VCAN: variants seen among roughly 807,000 people sequenced by gnomAD.
The protein encoded by VCAN is versican core protein.
In VCAN, 44 loss-of-function variants were observed where a neutral mutation model predicts 245.5. The ratio of observed to expected loss-of-function variants is 0.18; its 90% CI spans 0.14 to 0.23. VCAN has a LOEUF of 0.23. VCAN is among the 10% of genes least tolerant of loss of function. VCAN has a pLI of 1.00. For synonymous variants in VCAN, 1,413 were observed against 1,437.0 expected, an observed-to-expected ratio of 0.98 and a Z score of 0.38; for missense variants, 3,793 against 4,057.9, an observed-to-expected ratio of 0.93 and a Z score of 1.77.
chr5:83,565,417 G>A (rs896726072), intron 12 of VCAN, among the ~76,000 whole-genome samples: 1 of 142,844 alleles, frequency 7.0e-6, no homozygotes, highest in East Asian at 2.1e-4. Context: ...GTGTGTGTGT[G>A]TGTGTGTGTA....
At chr5:83,511,856 C>T (rs576325624) in intron 5 of VCAN, among the ~76,000 whole-genome samples, 2 of 152,164 alleles carry the variant, frequency 1.3e-5, no homozygotes, top group South Asian at 4.2e-4. Context: ...GATTCTATGG[C>T]CAATGTACAC....
intron 6 of VCAN, among the ~76,000 whole-genome samples, chr5:83,517,208 G>A (rs990094489): frequency 3.3e-5 from 5 of 152,104 alleles, no homozygotes; most frequent in African/African-American, 4.8e-5. Context: ...TTAAAAATAT[G>A]AGTCAACTTT....
intron 12 of VCAN, 33 bp downstream of exon 12, chr5:83,555,071 A>G: frequency 6.2e-7 from 1 of 1,609,732 alleles, no homozygotes; most frequent in Non-Finnish European, 8.5e-7. Context: ...GTCAAGTTCT[A>G]CCTTCTGGAA....
chr5:83,580,224 T>G lies in VCAN; in HGVS notation c.10063+62T>G, dbSNP rs540499742. 1.7e-5 allele frequency: 27 copies of G among 1,613,874 alleles called. No individual in the cohort carries two copies. In the African/African-American group the frequency reaches 3.5e-4, roughly 21 times the overall value. The stretch of plus-strand genomic sequence containing the variant: ...ATAACAACTACTAGACACCTTCATT[T>G]TACGGCTGTGGTATCGGCAGTTTAG... On this transcript the variant is annotated intron_variant, in intron 14 of 14. Coordinates refer to ENST00000265077, the MANE Select transcript of VCAN (RefSeq NM_004385.5).
In VCAN at chr5:83,477,157, C is replaced by G. The variant is rs149863217; in HGVS notation, c.-7+5134C>G. Among the ~76,000 whole-genome samples, 1,426 of 151,932 alleles carry G rather than the reference C, an allele frequency of 9.4e-3. 19 individuals are homozygous for G. The highest frequency in any genetic ancestry group is 0.03 in the East Asian group (157 of 5,174). ...TAAATGAATATGCAGTTATAAAGAT[C>G]AAAAGAGTAAGTACTTTGAAAAACT... On this transcript the variant is annotated intron_variant, in intron 1 of 14. Coordinates refer to ENST00000265077, the MANE Select transcript of VCAN (RefSeq NM_004385.5).
intron 6 of VCAN, among the ~76,000 whole-genome samples, chr5:83,514,446 G>A (rs1163405625): frequency 6.7e-6 from 1 of 150,360 alleles, no homozygotes; most frequent in Admixed American, 6.6e-5. Flanking sequence ...GTGTGTGTGT[G>A]TGTGTATTTT....
Position 83,548,080 on chromosome 5 carries a change from G to A in VCAN, c.9489G>A (p.Glu3163=), listed in dbSNP as rs1281335692. The A allele has an allele frequency of 6.2e-7, 1 of 1,612,484 alleles. No individual in the cohort carries two copies. The highest frequency in any genetic ancestry group is 1.3e-5 in the African/African-American group (1 of 75,008). The change falls in exon 10 of 15, where the codon GAG becomes GAA. Residue 3163 remains glutamate, a synonymous_variant. Coordinates refer to ENST00000265077, the MANE Select transcript of VCAN (RefSeq NM_004385.5). ...CLPSYVGALC[E]QDTETCDYGW... is the part of the protein sequence containing the mutation. ...CAAGTTATGTTGGTGCACTTTGTGA[G>A]CAAGGTAAGAGCTATTGCAACATTT... is the stretch of plus-strand genomic sequence containing the variant.
intron 7 of VCAN, 145 bp from the exon 8 acceptor site, chr5:83,536,862 C>A (rs1361873245): frequency 1.1e-5 from 7 of 618,654 alleles, no homozygotes; most frequent in Non-Finnish European, 1.6e-5. Flanking sequence ...GACTGAGAAC[C>A]ATATAAGAGG....
At chr5:83,555,085 T>G (rs1386426545) in intron 12 of VCAN, 47 bp downstream of exon 12, 2 of 1,597,538 alleles carry the variant, frequency 1.3e-6, no homozygotes, top group Non-Finnish European at 1.7e-6. Flanking sequence ...TCTGGAAATT[T>G]GGTACTGTGC....
At position 83,540,539 on chromosome 5, in the gene VCAN, T is replaced by C; in HGVS notation, c.7536T>C (p.Tyr2512=). The change falls in exon 8 of 15, where the codon TAT becomes TAC. Residue 2512 remains tyrosine, a synonymous_variant. Coordinates refer to ENST00000265077, the MANE Select transcript of VCAN (RefSeq NM_004385.5). ...PTSTLSNTVS[Y]ERSTDGSFQD... is the part of the protein sequence containing the mutation. ...GCACACTGTCAAATACAGTGTCATA[T>C]GAGAGGTCCACAGACGGTAGTTTCC... is the stretch of plus-strand genomic sequence containing the variant. The C allele has an allele frequency of 6.2e-7, 1 of 1,613,972 alleles. No individual in the cohort carries two copies. The highest frequency in any genetic ancestry group is 8.5e-7 in the Non-Finnish European group (1 of 1,179,958).
At chr5:83,575,459 C>T (rs962338189) in intron 13 of VCAN, among the ~76,000 whole-genome samples, 1 of 152,134 alleles carries the variant, frequency 6.6e-6, no homozygotes, top group African/African-American at 2.4e-5. Context: ...CATGTTTGCC[C>T]TCTTATGTCT....
At chr5:83,522,730 C>T (rs1242295517) in intron 7 of VCAN, among the ~76,000 whole-genome samples, 1 of 152,158 alleles carries the variant, frequency 6.6e-6, no homozygotes, top group African/African-American at 2.4e-5. Context: ...TTTTGCATAT[C>T]CCTAAGGTTG....
chr5:83,543,660 A>G (rs983370398), intron 8 of VCAN, among the ~76,000 whole-genome samples: 2 of 152,222 alleles, frequency 1.3e-5, no homozygotes, highest in African/African-American at 2.4e-5. Context: ...TTAGTTTAAT[A>G]TACTTCAGTT....
rs1220772246 is a variant in VCAN, at chr5:83,580,020, C to A, written c.9921C>A (p.Thr3307=). 4 of 1,614,094 alleles carry A rather than the reference C, an allele frequency of 2.5e-6. No homozygotes were observed. Among genetic ancestry groups the A allele is most frequent in the Non-Finnish European group, 2.5e-6 (3 of 1,180,000 alleles). The change falls in exon 14 of 15, where the codon ACC becomes ACA. Residue 3307 remains threonine, a synonymous_variant. Coordinates refer to ENST00000265077, the MANE Select transcript of VCAN (RefSeq NM_004385.5). ...GQPPVVENAK[T]FGKMKPRYEI... ...CCCCTGTTGTAGAAAATGCCAAGACCTTTGGAAAGATGAAACCTCGTTATG... is the reference window on the plus strand; with the variant it reads ...CCCCTGTTGTAGAAAATGCCAAGACATTTGGAAAGATGAAACCTCGTTATG...
chr5:83,542,635 A>C (rs1051250746), intron 8 of VCAN, among the ~76,000 whole-genome samples: 4 of 152,222 alleles, frequency 2.6e-5, no homozygotes, highest in Non-Finnish European at 5.9e-5. Context: ...AGTAGAAAAA[A>C]AGTCCTATTT....
intron 1 of VCAN, among the ~76,000 whole-genome samples, chr5:83,477,560 TA>T (rs911670168): frequency 2.0e-5 from 3 of 151,970 alleles, no homozygotes; most frequent in Admixed American, 6.5e-5. Context: ...ATCATGGGAT[TA>T]AAAAAAATAA....
At chr5:83,558,997 A>C (rs1747767879) in intron 12 of VCAN, among the ~76,000 whole-genome samples, 1 of 152,030 alleles carries the variant, frequency 6.6e-6, no homozygotes, top group African/African-American at 2.4e-5. Context: ...CTTTCTCCTA[A>C]CCTAGTTATT....
intron 6 of VCAN, among the ~76,000 whole-genome samples, chr5:83,518,889 A>C (rs1745962592): frequency 6.6e-6 from 1 of 152,194 alleles, no homozygotes; most frequent in Non-Finnish European, 1.5e-5. Context: ...CAACTTGAAA[A>C]GAAGGGAGCA....
intron 6 of VCAN, 109 bp from the exon 7 acceptor site, chr5:83,519,240 C>A: frequency 9.0e-7 from 1 of 1,116,352 alleles, no homozygotes; most frequent in Non-Finnish European, 1.3e-6. Context: ...CATTTCTGGG[C>A]CACCCAAAAA....
Sources: gnomAD v4.1 joint callset for allele counts (sites outside exome capture counted in the v4.1 genomes callset) on GRCh38, gnomAD v4.1.1 for gene constraint, MANE v1.5 for transcripts, NCBI Gene and HGNC (gene_info 2026-07-23, HGNC 2026-07-21) for gene names.